Variants in COL5A2 observed in about 807,000 individuals in gnomAD.
COL5A2 encodes collagen type V alpha 2 chain, also known as collagen alpha-2(V) chain.
Under a neutral mutation model 208.2 loss-of-function variants are expected in COL5A2, and 23 were observed. The observed-to-expected ratio is 0.11, with a 90% CI of 0.08 to 0.16. COL5A2 has a LOEUF of 0.16. COL5A2 is among the 10% of genes least tolerant of loss of function. COL5A2 has a pLI of 1.00. For missense variants in COL5A2, 1,590 were observed against 1,956.4 expected (o/e 0.81, Z 3.53); for synonymous variants, 625 against 628.5 (o/e 0.99, Z 0.08).
At chr2:189,276,435 T>C in the COL5A2 span, among the ~76,000 whole-genome samples, 1 of 152,198 alleles carries the variant, frequency 6.6e-6, no homozygotes, top group African/African-American at 2.4e-5. Context: ...AATTGTGTCC[T>C]GTGAGGTTAA....
the COL5A2 span, among the ~76,000 whole-genome samples, chr2:189,248,712 C>T: frequency 1.3e-5 from 2 of 152,078 alleles, no homozygotes; most frequent in African/African-American, 4.8e-5. Flanking sequence ...TATACTACAG[C>T]TTTCAAATTA....
chr2:189,261,225 C>A, the COL5A2 span, among the ~76,000 whole-genome samples: 1 of 152,090 alleles, frequency 6.6e-6, no homozygotes, highest in Non-Finnish European at 1.5e-5. Flanking sequence ...ACAATTAATA[C>A]TGAAACCATC....
chr2:189,436,839 G>T, the COL5A2 span, among the ~76,000 whole-genome samples: 1 of 152,134 alleles, frequency 6.6e-6, no homozygotes, highest in East Asian at 1.9e-4. Context: ...AACACACACT[G>T]GGGCCTGTCG....
the COL5A2 span, among the ~76,000 whole-genome samples, chr2:189,233,818 A>C: frequency 6.8e-6 from 1 of 146,068 alleles, no homozygotes; most frequent in African/African-American, 2.4e-5. Context: ...TGTTACCAGA[A>C]TTTTTTGGAT....
the COL5A2 span, among the ~76,000 whole-genome samples, chr2:189,283,516 C>A: frequency 8.6e-5 from 13 of 151,568 alleles, no homozygotes; most frequent in Admixed American, 8.5e-4. Context: ...CTATAAAGAT[C>A]ATCAAAAACA....
Position 189,094,646 on chromosome 2 carries a change from C to CACAT in COL5A2, c.457-2227_457-2226insATGT, listed in dbSNP as rs1248564270. Among the ~76,000 whole-genome samples, 222 of 132,626 alleles carry CACAT rather than the reference C, an allele frequency of 1.7e-3. 79 individuals carry two copies. The highest frequency in any genetic ancestry group is 2.3e-3 in the Non-Finnish European group (141 of 60,366). The allele number at this position is 132,626 out of a possible 152,430, so 87.0% of individuals were successfully genotyped here. A position where few individuals can be genotyped will look rare whatever the true frequency, so the allele number is the denominator to read the frequency against. ...ACACACACACACACACACACACACACATAAATGTTATAGATGTTAAGATCT... is the reference window on the plus strand; with the variant it reads ...ACACACACACACACACACACACACACACATATAAATGTTATAGATGTTAAGATCT... On this transcript the variant is annotated intron_variant, in intron 6 of 53. Transcript: ENST00000374866.
chr2:189,371,472 C>T, the COL5A2 span, among the ~76,000 whole-genome samples: 3 of 152,066 alleles, frequency 2.0e-5, no homozygotes, highest in Non-Finnish European at 4.4e-5. Context: ...TGATTCTGAC[C>T]AAGTGTTGAT....
chr2:189,315,042 A>C, the COL5A2 span, among the ~76,000 whole-genome samples: 2 of 152,178 alleles, frequency 1.3e-5, no homozygotes, highest in Non-Finnish European at 2.9e-5. Flanking sequence ...AACTATTCCA[A>C]AATGTTGAGG....
At chr2:189,216,531 T>C (rs947626758) in intron 1 of COL5A2, among the ~76,000 whole-genome samples, 7 of 152,106 alleles carry the variant, frequency 4.6e-5, no homozygotes, top group Non-Finnish European at 7.3e-5. Context: ...TTAATTGATA[T>C]TACAATCAAG....
At chr2:189,209,622 A>G (rs950864248) in intron 1 of COL5A2, among the ~76,000 whole-genome samples, 1 of 152,194 alleles carries the variant, frequency 6.6e-6, no homozygotes, top group African/African-American at 2.4e-5. Flanking sequence ...ACAACAAAAA[A>G]GGGTTGAATT....
intron 52 of COL5A2, among the ~76,000 whole-genome samples, chr2:189,035,707 T>G (rs1300174968): frequency 1.3e-5 from 2 of 152,136 alleles, no homozygotes. Context: ...CTATTTATAT[T>G]TAAAATTTAA....
chr2:189,037,986 A>G (rs1357418607), intron 51 of COL5A2, among the ~76,000 whole-genome samples: 1 of 152,200 alleles, frequency 6.6e-6, no homozygotes, highest in East Asian at 1.9e-4. Context: ...ACCATCATGA[A>G]ACTGGATTAT....
At chr2:189,260,919 A>G in the COL5A2 span, among the ~76,000 whole-genome samples, 23 of 152,340 alleles carry the variant, frequency 1.5e-4, no homozygotes, top group South Asian at 4.3e-3. Flanking sequence ...GTGTGTTTTT[A>G]GAGATTTGAA....
chr2:189,272,571 T>C, the COL5A2 span, among the ~76,000 whole-genome samples: 2 of 152,088 alleles, frequency 1.3e-5, no homozygotes, highest in African/African-American at 4.8e-5. Flanking sequence ...GATGATGAAT[T>C]GATGAGTGCA....
intron 2 of COL5A2, among the ~76,000 whole-genome samples, chr2:189,109,537 G>A (rs548210530): frequency 1.6e-4 from 25 of 151,964 alleles, no homozygotes; most frequent in Non-Finnish European, 2.8e-4. Context: ...CAAATAACCT[G>A]AAGGTTTAAT....
intron 3 of COL5A2, among the ~76,000 whole-genome samples, chr2:189,102,859 A>G (rs1382538883): frequency 6.6e-6 from 1 of 152,100 alleles, no homozygotes; most frequent in African/African-American, 2.4e-5. Flanking sequence ...TGTGTTTCTG[A>G]TGATACCTGA....
the COL5A2 span, among the ~76,000 whole-genome samples, chr2:189,265,959 CCA>C: frequency 6.6e-6 from 1 of 152,130 alleles, no homozygotes; most frequent in South Asian, 2.1e-4. Context: ...CCCAAATATT[CCA>C]CTCTTAAATA....
chr2:189,253,363 T>A, the COL5A2 span, among the ~76,000 whole-genome samples: 2 of 152,234 alleles, frequency 1.3e-5, no homozygotes, highest in African/African-American at 4.8e-5. Context: ...TCCTCATTTT[T>A]AATGTAGAGA....
chr2:189,145,133 A>G (rs577667849), intron 1 of COL5A2, among the ~76,000 whole-genome samples: 12 of 152,278 alleles, frequency 7.9e-5, no homozygotes, highest in Admixed American at 3.9e-4. Context: ...TGTTTGTATA[A>G]AAACTTTCTT....
Sources: allele counts gnomAD v4.1 joint callset (sites outside exome capture counted in the v4.1 genomes callset), GRCh38; gene constraint gnomAD v4.1.1; transcripts MANE v1.5; gene names NCBI Gene and HGNC (gene_info 2026-07-23, HGNC 2026-07-21).